TRPM2: variants seen among roughly 807,000 people sequenced by gnomAD.
The protein encoded by TRPM2 is estrogen-responsive element-associated gene 1 protein.
Under a neutral mutation model 174.0 loss-of-function variants are expected in TRPM2, and 161 were observed. The ratio of observed to expected loss-of-function variants is 0.93; its 90% CI spans 0.81 to 1.05. The LOEUF (loss-of-function observed/expected upper bound fraction) is 1.05, where lower values mean the gene tolerates loss of function less well. TRPM2 is among the 50% of genes least tolerant of loss of function. The pLI is 0.00. For missense variants in TRPM2, 2,057 were observed against 2,038.0 expected, an observed-to-expected ratio of 1.01 and a Z score of -0.18; for synonymous variants, 954 against 861.3, an observed-to-expected ratio of 1.11 and a Z score of -1.88.
Position 44,354,893 on chromosome 21 carries a change from C to T in TRPM2, c.254+157C>T, listed in dbSNP as rs567543967. Among the ~76,000 whole-genome samples, 4 of 152,308 alleles carry T rather than the reference C, an allele frequency of 2.6e-5. No individual in the cohort carries two copies. The East Asian group carries it at 5.8e-4, about 22-fold the overall frequency. ...CTTAGAGTCCACAGAGCATTTCCAC[C>T]TAACCCTTGCAAGCCTCCTGTCGGG... On this transcript the variant is annotated intron_variant, in intron 2 of 31. Transcript: ENST00000397928. This position sits in a 1 kb window ranked among gnomAD's most constrained non-coding sequence, Gnocchi z 4.3.
intron 21 of TRPM2, 54 bp from the exon 22 acceptor site, chr21:44,418,368 AG>A: frequency 6.3e-7 from 1 of 1,595,540 alleles, no homozygotes; most frequent in South Asian, 1.1e-5. Context: ...TCAGGGCTTC[AG>A]GGCCCACCTC....
At chr21:44,364,445 C>T (rs2048301936) in intron 3 of TRPM2, among the ~76,000 whole-genome samples, 163 bp downstream of exon 3, 1 of 152,136 alleles carries the variant, frequency 6.6e-6, no homozygotes, top group Admixed American at 6.5e-5. Flanking sequence ...AGGGGCTCTG[C>T]AAGGCAAGCA....
intron 21 of TRPM2, 127 bp downstream of exon 21, chr21:44,418,235 G>A: frequency 1.4e-6 from 2 of 1,397,654 alleles, no homozygotes; most frequent in Admixed American, 2.4e-5. Flanking sequence ...CAGGCTGCTG[G>A]CCTTCTGCTG....
At chr21:44,417,221 A>G (rs540303600) in intron 20 of TRPM2, among the ~76,000 whole-genome samples, 122 of 132,810 alleles carry the variant, frequency 9.2e-4, no homozygotes, top group African/African-American at 3.4e-3. Flanking sequence ...CTGGCATCAC[A>G]GTGGGCACAA....
At chr21:44,352,893 G>A (rs2123003392), upstream of TRPM2, among the ~76,000 whole-genome samples, 2 of 152,238 alleles carry the variant, frequency 1.3e-5, no homozygotes, top group Admixed American at 6.5e-5. Context: ...AGTGGCTCAC[G>A]CCTGTAAAAC....
chr21:44,393,951 C>T (rs1209455187), intron 11 of TRPM2, among the ~76,000 whole-genome samples: 2 of 152,106 alleles, frequency 1.3e-5, no homozygotes, highest in East Asian at 3.9e-4. Context: ...CTGCTTACTG[C>T]AACCTCTGCC....
At chr21:44,377,310 G>A (rs967027376) in intron 6 of TRPM2, among the ~76,000 whole-genome samples, 1 of 152,224 alleles carries the variant, frequency 6.6e-6, no homozygotes, top group Non-Finnish European at 1.5e-5. Flanking sequence ...ACGCGTGGCA[G>A]GTTGTGCCAC....
rs2048799036 is a variant in TRPM2 at position 44,379,144 on chromosome 21, C to T, written c.1162C>T (p.Gln388Ter). Residue 388 changes from glutamine (Q) to a stop codon, truncating the protein, a stop_gained, in exon 8 of 32, where the codon CAG becomes TAG. Coordinates refer to ENST00000397928, the MANE Select transcript of TRPM2 (RefSeq NM_003307.4). LOFTEE classifies it high-confidence loss of function. ...LIQQKLSVFF[Q>*]EMFETFTESR... is the part of the protein sequence containing the mutation. ...CCAGCAGAAACTGAGCGTGTTCTTC[C>T]AGGAGATGTTTGAGACCTTCACGGA... 6.2e-7 allele frequency: 1 copy of T among 1,613,634 alleles called. No homozygotes were observed. The highest frequency in any genetic ancestry group is 1.1e-5 in the South Asian group (1 of 91,080).
chr21:44,427,401 A>G (rs756508178), intron 27 of TRPM2, among the ~76,000 whole-genome samples: 8 of 152,050 alleles, frequency 5.3e-5, no homozygotes, highest in Non-Finnish European at 7.4e-5. Flanking sequence ...GTGCTGGGAG[A>G]GGACGATGCC....
chr21:44,436,692 C>A (rs1238655699), intron 28 of TRPM2, among the ~76,000 whole-genome samples: 1 of 149,376 alleles, frequency 6.7e-6, no homozygotes, highest in African/African-American at 2.5e-5. Context: ...TCCCACGTCA[C>A]CCCCGGGAGG....
Position 44,373,785 on chromosome 21 carries a change from T to C in TRPM2, c.772-2048T>C, listed in dbSNP as rs116573519. Among the ~76,000 whole-genome samples the C allele has an allele frequency of 9.6e-3, 1,459 of 152,244 alleles. 25 individuals are homozygous for C. Among genetic ancestry groups the C allele is most frequent in the African/African-American group, 0.033 (1,374 of 41,530 alleles). The stretch of plus-strand genomic sequence containing the variant: ...ACAACTTGAACACTTTGCTTGGAGA[T>C]CTCTGCGGCTAAATCTTCAAGTTCA... On this transcript the variant is annotated intron_variant, in intron 5 of 31. Coordinates refer to ENST00000397928, the MANE Select transcript of TRPM2 (RefSeq NM_003307.4).
At position 44,432,209 on chromosome 21, in the gene TRPM2, A is replaced by G. The variant is rs1467871304; in HGVS notation, c.3975-2922A>G. ...GGATTATCTCACAGTTCTGAGGGCC[A>G]GGAGTCTGAAATCAAGGACCACACT... On this transcript the variant is annotated intron_variant, in intron 27 of 31. Coordinates refer to ENST00000397928, the MANE Select transcript of TRPM2 (RefSeq NM_003307.4). This position sits in a 1 kb window ranked among gnomAD's most constrained non-coding sequence, Gnocchi z 4.9. Among the ~76,000 whole-genome samples the G allele has an allele frequency of 1.3e-5, 2 of 152,238 alleles. No homozygotes were observed. Among genetic ancestry groups the G allele is most frequent in the African/African-American group, 4.8e-5 (2 of 41,458 alleles).
chr21:44,405,792 C>T (rs1484671019), intron 17 of TRPM2, 113 bp from the exon 18 acceptor site: 2 of 1,360,654 alleles, frequency 1.5e-6, no homozygotes, highest in Non-Finnish European at 2.0e-6. Context: ...CACCAGAGCC[C>T]TTTGCCTCCA....
chr21:44,440,684 C>A, intron 30 of TRPM2, 105 bp from the exon 31 acceptor site: 1 of 967,390 alleles, frequency 1.0e-6, no homozygotes, highest in Non-Finnish European at 1.7e-6. Flanking sequence ...CCTGTGTGTG[C>A]TGGAAGCTGT....
At chr21:44,415,346 T>A (rs1298424024) in intron 20 of TRPM2, 2 of 152,068 alleles carry the variant, frequency 1.3e-5, no homozygotes, top group African/African-American at 4.8e-5. Context: ...GGAAATTATC[T>A]GGGGTTATCT....
chr21:44,384,131 A>C (rs901378944), intron 9 of TRPM2, among the ~76,000 whole-genome samples: 2 of 152,218 alleles, frequency 1.3e-5, no homozygotes, highest in African/African-American at 4.8e-5. Flanking sequence ...GAAAAAAGAA[A>C]GAAGATTCAT....
At chr21:44,360,042 A>T (rs2048169519) in intron 2 of TRPM2, among the ~76,000 whole-genome samples, 1 of 152,088 alleles carries the variant, frequency 6.6e-6, no homozygotes, top group Admixed American at 6.6e-5. Flanking sequence ...CACCATGCCC[A>T]GCCTCATCTG....
In TRPM2 at chr21:44,366,873, C is replaced by T. The variant is rs1314447507; in HGVS notation, c.543C>T (p.Asn181=). ...ISVTGGAKNF[N]MKPRLKSIFR... is the part of the protein sequence containing the mutation. ...TGACCGGGGGGGCCAAGAACTTCAA[C>T]ATGAAGCCGCGGCTGAAGAGCATTT... The change falls in exon 4 of 32, where the codon AAC becomes AAT. Residue 181 remains asparagine (N), a synonymous_variant. Coordinates refer to ENST00000397928, the MANE Select transcript of TRPM2 (RefSeq NM_003307.4). The surrounding 1 kb of genome is among the most constrained non-coding windows in gnomAD (Gnocchi z 6.0). 6.2e-7 allele frequency: 1 copy of T among 1,613,354 alleles called. No homozygotes were observed. Among genetic ancestry groups the T allele is most frequent in the East Asian group, 2.2e-5 (1 of 44,862 alleles).
chr21:44,399,154 T>C lies in TRPM2; in HGVS notation c.2063-142T>C. On this transcript the variant is annotated intron_variant, in intron 13 of 31. Coordinates refer to ENST00000397928, the MANE Select transcript of TRPM2 (RefSeq NM_003307.4). This position sits in a 1 kb window ranked among gnomAD's most constrained non-coding sequence, Gnocchi z 4.6. ...GGTCCTCGTCCCTGGGCCTGGGTGT[T>C]TTGAGACACCAGCCCCACATTTGCC... 1 of 1,149,240 alleles carries C rather than the reference T, an allele frequency of 8.7e-7. No individual in the cohort carries two copies. Among genetic ancestry groups the C allele is most frequent in the African/African-American group, 1.6e-5 (1 of 63,724 alleles). 71.2% of individuals were successfully genotyped at this position (1,149,240 alleles called of 1,614,324 possible).
Sources: gnomAD v4.1 joint callset for allele counts (sites outside exome capture counted in the v4.1 genomes callset) on GRCh38, gnomAD v4.1.1 for gene constraint, Gnocchi (gnomAD v3.1) non-coding constraint, MANE v1.5 for transcripts, NCBI Gene and HGNC (gene_info 2026-07-23, HGNC 2026-07-21) for gene names.